The following ARHGEF28 variants were observed in gnomAD, a reference collection of about 807,000 sequenced individuals.
ARHGEF28 encodes 190 kDa guanine nucleotide exchange factor.
Under a neutral mutation model 206.6 loss-of-function variants are expected in ARHGEF28, and 152 were observed. That is an observed-to-expected ratio of 0.74 (90% CI 0.64 to 0.84). ARHGEF28 has a LOEUF of 0.84. Ranked by LOEUF, ARHGEF28 falls within the 40% of genes least tolerant of loss-of-function variation. The pLI is 0.00. For missense variants in ARHGEF28, 2,028 were observed against 2,073.2 expected (o/e 0.98, Z 0.42); for synonymous variants, 763 against 776.4 (o/e 0.98, Z 0.29).
In ARHGEF28 at chr5:73,911,335, G is replaced by A. The variant is rs762621228; in HGVS notation, c.4708G>A (p.Ala1570Thr). Residue 1570 changes from alanine (A) to threonine (T), a missense_variant, in exon 35 of 36, where the codon GCT becomes ACT. Physicochemically the swap from Ala to Thr is moderately conservative, Grantham distance 58. Transcript: ENST00000513042. ...TGAAAACTCATTCTTCATCAATGAA[G>A]CTTTAGTACAAATGTCATTTAACAC... ...CHENSFFINE[A>T]LVQMSFNTFN... 1.4e-5 allele frequency: 22 copies of A among 1,611,834 alleles called. No homozygotes were observed. Among genetic ancestry groups the A allele is most frequent in the Non-Finnish European group, 1.7e-5 (20 of 1,178,926 alleles).
intron 31 of ARHGEF28, chr5:73,903,192 G>A (rs1235952959): frequency 6.6e-6 from 1 of 152,186 alleles, no homozygotes; most frequent in Non-Finnish European, 1.5e-5. Flanking sequence ...AATTACCCGA[G>A]GACATGACCA....
At chr5:73,879,926 G>A (rs1300672729) in intron 22 of ARHGEF28, among the ~76,000 whole-genome samples, 4 of 152,220 alleles carry the variant, frequency 2.6e-5, no homozygotes, top group Non-Finnish European at 4.4e-5. Context: ...ATCTCCAGCT[G>A]TGTGCTGGGA....
At chr5:73,734,614 T>C (rs1750804846) in intron 2 of ARHGEF28, among the ~76,000 whole-genome samples, 1 of 152,118 alleles carries the variant, frequency 6.6e-6, no homozygotes, top group Non-Finnish European at 1.5e-5. Context: ...CTTGTACCAC[T>C]TTATATCCCA....
chr5:73,651,481 T>C (rs563072156), intron 1 of ARHGEF28, among the ~76,000 whole-genome samples: 2 of 152,270 alleles, frequency 1.3e-5, no homozygotes, highest in Non-Finnish European at 2.9e-5. Context: ...CTGGTAGAGA[T>C]TGTGGGGAAT....
chr5:73,701,866 A>C (rs575856090), intron 2 of ARHGEF28, among the ~76,000 whole-genome samples: 180 of 152,256 alleles, frequency 1.2e-3, no homozygotes, highest in African/African-American at 4.0e-3. Context: ...AGGTTTTTCC[A>C]GTTTGTTTAA....
chr5:73,740,835 T>C (rs1436192307), intron 2 of ARHGEF28, among the ~76,000 whole-genome samples: 1 of 152,206 alleles, frequency 6.6e-6, no homozygotes, highest in Non-Finnish European at 1.5e-5. Flanking sequence ...ATGGAGTTAC[T>C]AAATTTTCAT....
At chr5:73,883,659 TAA>T in intron 23 of ARHGEF28, 106 bp from the exon 24 acceptor site, 1 of 578,362 alleles carries the variant, frequency 1.7e-6, no homozygotes, top group Admixed American at 3.9e-5. Flanking sequence ...CAATGAATGT[TAA>T]GTCTGCATAA....
At chr5:73,733,459 C>T (rs780358478) in intron 2 of ARHGEF28, among the ~76,000 whole-genome samples, 1 of 152,138 alleles carries the variant, frequency 6.6e-6, no homozygotes, top group East Asian at 1.9e-4. Context: ...GACTCCAGAT[C>T]CAGGGCTGGC....
At chr5:73,862,053 T>C (rs1759435623) in intron 16 of ARHGEF28, among the ~76,000 whole-genome samples, 1 of 152,328 alleles carries the variant, frequency 6.6e-6, no homozygotes, top group African/African-American at 2.4e-5. Context: ...AAACAACACA[T>C]AGTATTGTGT....
At chr5:73,776,469 C>A in intron 5 of ARHGEF28, 47 bp from the exon 6 acceptor site, 1 of 1,527,406 alleles carries the variant, frequency 6.5e-7, no homozygotes, top group Non-Finnish European at 8.9e-7. Context: ...GATCCTGGGG[C>A]TGGTGTCTTT....
chr5:73,909,635 A>G lies in ARHGEF28; in HGVS notation c.4385A>G (p.Gln1462Arg), dbSNP rs750161664. Reference sequence around the variant, plus strand: ...TGGCTGCGCAGGTGTGAGCAGCAGCAGCGGGCGCAGGCGACCAGGGAGAGC... The same window carrying G: ...TGGCTGCGCAGGTGTGAGCAGCAGCGGCGGGCGCAGGCGACCAGGGAGAGC... ...RRWLRRCEQQ[Q>R]RAQATRESWL... Residue 1462 changes from glutamine (Q) to arginine (R), a missense_variant, in exon 34 of 36, where the codon CAG becomes CGG. This residue lies in a region of ARHGEF28 where 803 missense variants were observed against 768.0 expected (regional missense o/e 1.05). Coordinates refer to ENST00000513042, the MANE Select transcript of ARHGEF28 (RefSeq NM_001177693.2). The G allele has an allele frequency of 9.0e-6, 14 of 1,549,590 alleles. 1 individual carries two copies. The highest frequency in any genetic ancestry group is 7.1e-5 in the South Asian group (6 of 84,102).
intron 9 of ARHGEF28, among the ~76,000 whole-genome samples, chr5:73,810,519 C>T (rs1259659041): frequency 3.9e-5 from 6 of 152,058 alleles, no homozygotes; most frequent in African/African-American, 1.4e-4. Context: ...CTGGTAGTCA[C>T]GGGAGGAACA....
At chr5:73,824,391 G>C (rs1376445412) in intron 9 of ARHGEF28, among the ~76,000 whole-genome samples, 1 of 151,870 alleles carries the variant, frequency 6.6e-6, no homozygotes, top group Non-Finnish European at 1.5e-5. Context: ...ATAATAGAAA[G>C]AGCTCAGAGA....
chr5:73,926,128 C>G (rs1318949424), intron 35 of ARHGEF28, among the ~76,000 whole-genome samples: 3 of 152,178 alleles, frequency 2.0e-5, no homozygotes, highest in African/African-American at 7.2e-5. Flanking sequence ...AGGGCACATG[C>G]TAGACATTCA....
At chr5:73,885,708 A>T in intron 24 of ARHGEF28, 142 bp from the exon 25 acceptor site, 1 of 986,676 alleles carries the variant, frequency 1.0e-6, no homozygotes, top group Non-Finnish European at 1.4e-6. Flanking sequence ...ATTTAAGTTT[A>T]ATCCAACATT....
intron 16 of ARHGEF28, among the ~76,000 whole-genome samples, chr5:73,859,560 CT>C (rs1759262192): frequency 6.6e-6 from 1 of 152,174 alleles, no homozygotes; most frequent in Non-Finnish European, 1.5e-5. Flanking sequence ...ATTATGCTGA[CT>C]TTATTGCATG....
chr5:73,925,018 C>T (rs781280553), intron 35 of ARHGEF28, among the ~76,000 whole-genome samples: 1 of 152,178 alleles, frequency 6.6e-6, no homozygotes, highest in Non-Finnish European at 1.5e-5. Flanking sequence ...GCATGATTTG[C>T]CACATGGGTT....
chr5:73,661,263 T>C (rs7730244), intron 1 of ARHGEF28, among the ~76,000 whole-genome samples: 72,799 of 151,974 alleles, frequency 0.48, 18,215 homozygotes, highest in East Asian at 0.79. Flanking sequence ...AACTTTTCTT[T>C]TGCAGCTTCT....
chr5:73,792,399 C>T (rs765614236), intron 7 of ARHGEF28, among the ~76,000 whole-genome samples: 2 of 152,208 alleles, frequency 1.3e-5, no homozygotes, highest in South Asian at 4.1e-4. Context: ...TAACTGCAAA[C>T]TTCACTAACA....
Sources: gnomAD v4.1 joint callset for allele counts (sites outside exome capture counted in the v4.1 genomes callset) on GRCh38, gnomAD v4.1.1 for gene constraint, gnomAD v4.1.1 regional missense constraint, MANE v1.5 for transcripts, NCBI Gene and HGNC (gene_info 2026-07-23, HGNC 2026-07-21) for gene names.